CFAP92: variants seen among roughly 807,000 people sequenced by gnomAD.
CFAP92 encodes the protein cilia and flagella associated protein 92 (putative), also known as uncharacterized protein CFAP92.
Under a neutral mutation model 106.3 loss-of-function variants are expected in CFAP92, and 86 were observed. That is an observed-to-expected ratio of 0.81 (90% CI 0.68 to 0.97). CFAP92 has a LOEUF of 0.97. Ranked by LOEUF, CFAP92 falls within the 50% of genes least tolerant of loss-of-function variation. The probability of loss-of-function intolerance (pLI) is 0.00; values close to 1 mark genes in which losing one functional copy is unlikely to be tolerated. For synonymous variants in CFAP92, 477 were observed against 506.4 expected (o/e 0.94, Z 0.78); for missense variants, 1,204 against 1,283.8 (o/e 0.94, Z 0.95).
chr3:128,998,030 A>G (rs1183670194), upstream of CFAP92, among the ~76,000 whole-genome samples: 1 of 152,170 alleles, frequency 6.6e-6, no homozygotes, highest in Non-Finnish European at 1.5e-5. Flanking sequence ...CATAGTTTTC[A>G]TGTGCATTTC....
At chr3:128,918,676 T>C (rs887828928) in intron 12 of CFAP92, among the ~76,000 whole-genome samples, 1 of 152,130 alleles carries the variant, frequency 6.6e-6, no homozygotes, top group African/African-American at 2.4e-5. Flanking sequence ...GGAGATGAGA[T>C]AAAAGGGATG....
intron 11 of CFAP92, 109 bp downstream of exon 11, chr3:128,935,016 G>T (rs1335422376): frequency 6.3e-6 from 5 of 798,000 alleles, no homozygotes; most frequent in Middle Eastern, 7.8e-4. Context: ...CATCTGTTGG[G>T]GCCACTATCT....
At chr3:129,015,591 C>G in the CFAP92 span, among the ~76,000 whole-genome samples, 3 of 152,078 alleles carry the variant, frequency 2.0e-5, no homozygotes, top group Non-Finnish European at 4.4e-5. Context: ...CACGGCGCCC[C>G]CGAGAGCTGA....
At chr3:129,004,445 A>G (rs1412745921), upstream of CFAP92, among the ~76,000 whole-genome samples, 1 of 128,336 alleles carries the variant, frequency 7.8e-6, no homozygotes. Context: ...CCACTCACCT[A>G]CCCACCCGTC....
At chr3:128,988,699 C>CTAT (rs761206197) in intron 3 of CFAP92, 29 bp downstream of exon 3, 35 of 1,608,764 alleles carry the variant, frequency 2.2e-5, no homozygotes, top group Middle Eastern at 1.6e-4. Context: ...TCAGACCATA[C>CTAT]ACAAGGCCAC....
chr3:128,919,545 A>G (rs2107683146), intron 12 of CFAP92, among the ~76,000 whole-genome samples: 1 of 152,318 alleles, frequency 6.6e-6, no homozygotes, highest in Admixed American at 6.5e-5. Flanking sequence ...TACAAGAAGA[A>G]ATAGACATCT....
At chr3:128,942,984 G>A (rs367832137) in intron 10 of CFAP92, among the ~76,000 whole-genome samples, 3 of 141,314 alleles carry the variant, frequency 2.1e-5, no homozygotes, top group Admixed American at 7.4e-5. Flanking sequence ...GCAGTGGCGC[G>A]ATCTCACTCA....
At chr3:128,961,509 C>T (rs1236372233) in intron 9 of CFAP92, among the ~76,000 whole-genome samples, 1 of 152,196 alleles carries the variant, frequency 6.6e-6, no homozygotes, top group African/African-American at 2.4e-5. Context: ...GTTTTCATTC[C>T]GTGACTAGCC....
upstream of CFAP92, among the ~76,000 whole-genome samples, chr3:128,997,114 C>T (rs1201912289): frequency 6.6e-6 from 1 of 152,196 alleles, no homozygotes; most frequent in Non-Finnish European, 1.5e-5. Context: ...GAGGGACAAG[C>T]ATCCAGGGGC....
chr3:128,956,270 A>G (rs1941414426), intron 9 of CFAP92, among the ~76,000 whole-genome samples: 1 of 150,842 alleles, frequency 6.6e-6, no homozygotes, highest in Admixed American at 6.6e-5. Flanking sequence ...TCTGAACAAC[A>G]CAGGGGAAAA....
At chr3:128,962,437 C>T (rs1683810) in intron 9 of CFAP92, among the ~76,000 whole-genome samples, 46,156 of 151,864 alleles carry the variant, frequency 0.3, 7,225 homozygotes, top group East Asian at 0.56. Context: ...TTTAGTTATC[C>T]CCACCTGCCC....
intron 9 of CFAP92, among the ~76,000 whole-genome samples, chr3:128,956,215 T>TAAAAAAAAAAAAAAAAAA (rs545191144): frequency 1.0e-4 from 7 of 68,722 alleles, no homozygotes; most frequent in Admixed American, 2.7e-4. Flanking sequence ...AATAAAAAAA[T>TAAAAAAAAAAAAAAAAAA]AAAAAAAAAA....
chr3:128,926,030 G>A (rs188369590), intron 12 of CFAP92, among the ~76,000 whole-genome samples: 1 of 152,174 alleles, frequency 6.6e-6, no homozygotes, highest in Admixed American at 6.5e-5. Context: ...TCACAGACTG[G>A]GAAAAGATAC....
the CFAP92 span, among the ~76,000 whole-genome samples, chr3:129,010,171 C>T: frequency 3.9e-5 from 6 of 152,366 alleles, no homozygotes; most frequent in African/African-American, 1.2e-4. The surrounding 1 kb of genome is among the most constrained non-coding windows in gnomAD (Gnocchi z 4.3). Context: ...TGGCCTTGTC[C>T]TGCCTTGAGG....
chr3:128,987,967 T>C (rs1576637730), intron 3 of CFAP92, 138 bp from the exon 4 acceptor site: 2 of 671,942 alleles, frequency 3.0e-6, no homozygotes, highest in Non-Finnish European at 5.0e-6. Context: ...CTCCAGGCTC[T>C]GAGCTCAGGG....
intron 9 of CFAP92, among the ~76,000 whole-genome samples, chr3:128,956,900 A>AAC (rs1393421072): frequency 1.3e-5 from 2 of 150,354 alleles, no homozygotes; most frequent in Non-Finnish European, 2.9e-5. Context: ...GAATCACTTG[A>AAC]ACCCAGGAGG....
At chr3:128,986,067 G>A (rs1365374651) in intron 4 of CFAP92, among the ~76,000 whole-genome samples, 1 of 152,162 alleles carries the variant, frequency 6.6e-6, no homozygotes, top group Non-Finnish European at 1.5e-5. Flanking sequence ...CTGAAAGTGG[G>A]AAGTTCCAAG....
At chr3:128,934,381 G>A (rs969552257) in intron 11 of CFAP92, among the ~76,000 whole-genome samples, 1 of 152,104 alleles carries the variant, frequency 6.6e-6, no homozygotes, top group African/African-American at 2.4e-5. Flanking sequence ...CACCATGCCT[G>A]GCTAATTTTG....
At chr3:128,937,312 C>CAAA (rs34884891) in intron 10 of CFAP92, among the ~76,000 whole-genome samples, 2 of 85,280 alleles carry the variant, frequency 2.3e-5, no homozygotes, top group East Asian at 3.0e-4. Context: ...GACCCTGTCT[C>CAAA]AAAAAAAAAA....
Sources: gnomAD v4.1 joint callset for allele counts (sites outside exome capture counted in the v4.1 genomes callset) on GRCh38, gnomAD v4.1.1 for gene constraint, Gnocchi (gnomAD v3.1) non-coding constraint, MANE v1.5 for transcripts, NCBI Gene and HGNC (gene_info 2026-07-23, HGNC 2026-07-21) for gene names.